Variants in GLI2 observed in about 807,000 individuals in gnomAD.
The protein encoded by GLI2 is GLI family zinc finger 2, also known as transcription activator GLI2.
GLI2 carries 22 observed loss-of-function variants against 78.9 expected under a neutral mutation model. The observed-to-expected ratio is 0.28, with a 90% confidence interval of 0.20 to 0.40. The LOEUF is 0.40. Among genes scored for constraint, GLI2 ranks in the 10% least tolerant of loss-of-function variants. The pLI is 1.00. For missense variants in GLI2, 2,097 were observed against 2,213.2 expected, an observed-to-expected ratio of 0.95 and a Z score of 1.05; for synonymous variants, 974 against 963.7, an observed-to-expected ratio of 1.01 and a Z score of -0.20.
At chr2:120,982,638 G>A in intron 10 of GLI2, 78 bp from the exon 11 acceptor site, 1 of 1,234,220 alleles carries the variant, frequency 8.1e-7, no homozygotes, top group East Asian at 2.3e-5. Context: ...GCAGAGAAGG[G>A]GGTGGGGAGG....
chr2:120,955,408 C>A lies in GLI2; in HGVS notation c.621C>A (p.His207Gln), dbSNP rs767227926. 2 of 1,608,896 alleles carry A rather than the reference C, an allele frequency of 1.2e-6. No individual in the cohort carries two copies. Among genetic ancestry groups the A allele is most frequent in the South Asian group, 2.2e-5 (2 of 90,728 alleles). ...GCGCTGCCAGCGCACCCCATCTCCACGACTACCTCAACCCCGTGGACGGTG... is the reference window on the plus strand; with the variant it reads ...GCGCTGCCAGCGCACCCCATCTCCAAGACTACCTCAACCCCGTGGACGGTG... ...SGGAASAPHLHDYLNPVDVSR... is the reference protein window; with the variant it reads ...SGGAASAPHLQDYLNPVDVSR... The change falls in exon 5 of 14, where the codon CAC (histidine) becomes CAA (glutamine). Residue 207 changes from histidine (H) to glutamine (Q), a missense_variant. By Grantham distance (24) the His-to-Gln change is conservative. This residue lies in a region of GLI2 where 578 missense variants were observed against 612.0 expected (regional missense o/e 0.94). Coordinates refer to ENST00000361492, the MANE Select transcript of GLI2 (RefSeq NM_001374353.1).
At chr2:120,799,824 G>A (rs1257525084) in intron 2 of GLI2, among the ~76,000 whole-genome samples, 1 of 152,222 alleles carries the variant, frequency 6.6e-6, no homozygotes, top group Non-Finnish European at 1.5e-5. Flanking sequence ...ATGGATGTGG[G>A]CCTCACTGCC....
chr2:120,814,630 T>C (rs1048161046), intron 2 of GLI2, among the ~76,000 whole-genome samples: 3 of 152,176 alleles, frequency 2.0e-5, no homozygotes, highest in Admixed American at 1.3e-4. Flanking sequence ...AGCCGCACCT[T>C]CTGTCAGATC....
At chr2:120,942,632 C>T (rs80212498) in intron 3 of GLI2, among the ~76,000 whole-genome samples, 3,701 of 152,268 alleles carry the variant, frequency 0.024, 159 homozygotes, top group African/African-American at 0.085. Context: ...GAGCCCCCCA[C>T]GTGCCTTCCC....
chr2:120,787,575 G>T (rs1684032890), intron 1 of GLI2, among the ~76,000 whole-genome samples: 2 of 152,198 alleles, frequency 1.3e-5, no homozygotes, highest in South Asian at 4.1e-4. Context: ...CCTGCCCGGG[G>T]CAGTGTGATT....
chr2:120,840,423 T>C (rs1010364291), intron 2 of GLI2, among the ~76,000 whole-genome samples: 1 of 152,168 alleles, frequency 6.6e-6, no homozygotes, highest in African/African-American at 2.4e-5. Flanking sequence ...CGCGTGTGCA[T>C]GGGCACTTTG....
intron 4 of GLI2, among the ~76,000 whole-genome samples, chr2:120,954,964 AG>A (rs1365249890): frequency 1.3e-5 from 2 of 152,044 alleles, no homozygotes; most frequent in Admixed American, 6.6e-5. Flanking sequence ...GCATGGAGGC[AG>A]AGTAGGGAGA....
intron 1 of GLI2, among the ~76,000 whole-genome samples, chr2:120,786,211 T>C (rs1365994223): frequency 2.6e-5 from 4 of 152,210 alleles, no homozygotes; most frequent in Non-Finnish European, 5.9e-5. Flanking sequence ...GATGGGCCAA[T>C]GGGAGGCTCC....
chr2:120,818,678 C>T (rs1335209702), intron 2 of GLI2, among the ~76,000 whole-genome samples: 3 of 152,192 alleles, frequency 2.0e-5, no homozygotes, highest in Admixed American at 1.3e-4. Flanking sequence ...CAGGGACTCT[C>T]CAGTCCCCCA....
intron 2 of GLI2, among the ~76,000 whole-genome samples, chr2:120,837,856 A>C (rs1287787136): frequency 6.6e-6 from 1 of 151,970 alleles, no homozygotes; most frequent in African/African-American, 2.4e-5. Context: ...TTGGTCTATT[A>C]GTTTCTTCTG....
chr2:120,970,714 G>A lies in GLI2; in HGVS notation c.1059+108G>A, dbSNP rs1327612162. 2.0e-5 allele frequency: 19 copies of A among 949,582 alleles called. No individual in the cohort carries two copies. The East Asian group carries it at 2.4e-4, about 12-fold the overall frequency. The allele number at this position is 949,582 out of a possible 1,614,324, so 58.8% of individuals were successfully genotyped here. A position where few individuals can be genotyped will look rare whatever the true frequency, so the allele number is the denominator to read the frequency against. On this transcript the variant is annotated intron_variant, in intron 7 of 13. Coordinates refer to ENST00000361492, the MANE Select transcript of GLI2 (RefSeq NM_001374353.1). ...ACTTGTGGAGGGCCTCTGGATTTACGTCTGGCCGCTAGGGTGCCTTCTGGG... is the reference window on the plus strand; with the variant it reads ...ACTTGTGGAGGGCCTCTGGATTTACATCTGGCCGCTAGGGTGCCTTCTGGG...
chr2:120,821,022 C>T (rs955400484), intron 2 of GLI2, among the ~76,000 whole-genome samples: 3 of 152,016 alleles, frequency 2.0e-5, no homozygotes, highest in African/African-American at 4.8e-5. Context: ...TTGCCAAGGC[C>T]GACCCACCCA....
At chr2:120,890,625 A>G (rs1052525613) in intron 2 of GLI2, among the ~76,000 whole-genome samples, 2 of 152,218 alleles carry the variant, frequency 1.3e-5, no homozygotes, top group Non-Finnish European at 2.9e-5. Context: ...TAGGTAAATC[A>G]TACACAGGAT....
chr2:120,937,011 C>T (rs1043619564), intron 3 of GLI2, among the ~76,000 whole-genome samples: 2 of 152,178 alleles, frequency 1.3e-5, no homozygotes, highest in Admixed American at 6.5e-5. Context: ...TCAAAAAGTA[C>T]GCTGGACATG....
At chr2:120,841,015 AGATGTTCATTCTGTTTATTGAGCTGG>A (rs1455797058) in intron 2 of GLI2, among the ~76,000 whole-genome samples, 3 of 152,160 alleles carry the variant, frequency 2.0e-5, no homozygotes, top group Non-Finnish European at 4.4e-5. Context: ...GCATCTAAAC[AGATGTTCATTCTGTTTATTGAGCTGG>A]AGGGCCTTTA....
rs552712743 is a variant in GLI2, at chr2:120,927,618, A to G, written c.254+152A>G. 5.5e-6 allele frequency: 4 copies of G among 720,810 alleles called. No individual in the cohort carries two copies. The Admixed American group carries it at 7.8e-5, about 14-fold the overall frequency. 44.7% of individuals were successfully genotyped at this position (720,810 alleles called of 1,614,324 possible). ...TGAGCGGGCGATCACCTTTGCTATC[A>G]TGGCCTGGGACCCTGTGTGAGCATG... is the stretch of plus-strand genomic sequence containing the variant. On this transcript the variant is annotated intron_variant, in intron 3 of 13. Transcript: ENST00000361492.
chr2:120,861,634 T>G (rs1687908411), intron 2 of GLI2, among the ~76,000 whole-genome samples: 2 of 152,240 alleles, frequency 1.3e-5, no homozygotes, highest in South Asian at 4.1e-4. Flanking sequence ...ACAGCAGGGA[T>G]TAACCCTCCA....
At chr2:120,804,001 G>T (rs1684822365) in intron 2 of GLI2, among the ~76,000 whole-genome samples, 1 of 152,182 alleles carries the variant, frequency 6.6e-6, no homozygotes, top group South Asian at 2.1e-4. Flanking sequence ...CAGTGTTCCA[G>T]GAGGCGTGTG....
intron 2 of GLI2, among the ~76,000 whole-genome samples, chr2:120,822,281 C>T (rs1685817455): frequency 6.6e-6 from 1 of 152,350 alleles, no homozygotes; most frequent in Non-Finnish European, 1.5e-5. Context: ...TTCTTGTGGT[C>T]CCTGGACCCA....
Sources: gnomAD v4.1 joint callset for allele counts (sites outside exome capture counted in the v4.1 genomes callset) on GRCh38, gnomAD v4.1.1 for gene constraint, gnomAD v4.1.1 regional missense constraint, MANE v1.5 for transcripts, NCBI Gene and HGNC (gene_info 2026-07-23, HGNC 2026-07-21) for gene names.